The following ANO7 variants were observed in gnomAD, a reference collection of about 807,000 sequenced individuals.
The protein encoded by ANO7 is anoctamin 7.
In ANO7, 114 loss-of-function variants were observed where a neutral mutation model predicts 115.8. That is an observed-to-expected ratio of 0.98 (90% CI 0.85 to 1.15). The LOEUF (loss-of-function observed/expected upper bound fraction) is 1.15, where lower values mean the gene tolerates loss of function less well. Ranked by LOEUF, ANO7 falls within the 50% of genes most tolerant of loss-of-function variation. The pLI is 0.00. For missense variants in ANO7, 1,302 were observed against 1,201.2 expected, an observed-to-expected ratio of 1.08 and a Z score of -1.24; for synonymous variants, 550 against 498.2, an observed-to-expected ratio of 1.10 and a Z score of -1.38.
At chr2:241,219,479 TTTA>T (rs946607966) in intron 21 of ANO7, among the ~76,000 whole-genome samples, 37 of 152,162 alleles carry the variant, frequency 2.4e-4, no homozygotes, top group Non-Finnish European at 1.8e-4. Context: ...GGTTGTTTTT[TTTA>T]TTATTATTCT....
At chr2:241,207,815 ACCTT>A (rs1273380977) in intron 11 of ANO7, 145 bp downstream of exon 11, 1 of 717,592 alleles carries the variant, frequency 1.4e-6, no homozygotes, top group Non-Finnish European at 2.4e-6. Flanking sequence ...GAGCTCCTTA[ACCTT>A]TGTTCTCTTG....
intron 7 of ANO7, 23 bp from the exon 8 acceptor site, chr2:241,202,171 G>A (rs770128297): frequency 6.9e-6 from 11 of 1,602,620 alleles, no homozygotes; most frequent in South Asian, 3.3e-5. Flanking sequence ...AGTGACCTGC[G>A]CCATCCTCCA....
At chr2:241,236,455 C>A in the ANO7 span, 14 of 715,626 alleles carry the variant, frequency 2.0e-5, no homozygotes, top group Non-Finnish European at 2.9e-5. Context: ...CTGTGTCCAG[C>A]CGAGAAGCAC....
At position 241,190,160 on chromosome 2, in the gene ANO7, C is replaced by T; in HGVS notation, c.97C>T (p.His33Tyr). The change falls in exon 2 of 25, where the codon CAC (histidine) becomes TAC (tyrosine). Residue 33 changes from histidine to tyrosine, a missense_variant. Physicochemically the swap from His to Tyr is moderately conservative, Grantham distance 83 (BLOSUM62 2). Coordinates refer to ENST00000674324, the MANE Select transcript of ANO7 (RefSeq NM_001370694.2). ...GAGGGGCTCTTACGGGAGCACAGCC[C>T]ACGCCTCGGAGGTAACAGCACCCAG... The part of the protein sequence containing the change: ...EKRGSYGSTA[H>Y]ASEPGGQQAA... The T allele has an allele frequency of 1.3e-6, 2 of 1,563,222 alleles. No homozygotes were observed. Among genetic ancestry groups the T allele is most frequent in the Non-Finnish European group, 1.7e-6 (2 of 1,153,836 alleles).
At chr2:241,234,496 G>A in the ANO7 span, among the ~76,000 whole-genome samples, 1 of 152,176 alleles carries the variant, frequency 6.6e-6, no homozygotes, top group Non-Finnish European at 1.5e-5. Context: ...CCATTCACCA[G>A]ACTCGACGTG....
chr2:241,207,793 A>T (rs2068627391), intron 11 of ANO7, 123 bp downstream of exon 11: 2 of 860,224 alleles, frequency 2.3e-6, no homozygotes, highest in African/African-American at 3.3e-5. Context: ...AGCTAAAGGC[A>T]GAACGCTCCA....
intron 19 of ANO7, 131 bp downstream of exon 19, chr2:241,216,369 G>T: frequency 8.1e-6 from 10 of 1,240,642 alleles, no homozygotes; most frequent in Non-Finnish European, 9.7e-6. Flanking sequence ...TGGGGGTGGG[G>T]TGGGAACAGA....
In ANO7 at chr2:241,225,500, G is replaced by C. The variant is rs1390505507; in HGVS notation, c.*1347G>C. 2 of 152,278 alleles carry C rather than the reference G, an allele frequency of 1.3e-5. No individual in the cohort carries two copies. The highest frequency in any genetic ancestry group is 2.9e-5 in the Non-Finnish European group (2 of 68,038). 9.4% of individuals were successfully genotyped at this position (152,278 alleles called of 1,614,324 possible). On this transcript the variant is annotated 3_prime_UTR_variant, in exon 25 of 25. Transcript: ENST00000674324. ...AGATCTCAACACTGCACTACAGCCT[G>C]GGCGACAGAGCAAGACTCCGTCTCG...
chr2:241,227,749 G>A (rs1451307005), downstream of ANO7: 1 of 152,548 alleles, frequency 6.6e-6, no homozygotes, highest in Admixed American at 6.5e-5. Context: ...TGGAGATTGG[G>A]GGGAGCTGGA....
At chr2:241,239,683 C>G in the ANO7 span, 78 of 1,614,098 alleles carry the variant, frequency 4.8e-5, no homozygotes, top group Non-Finnish European at 5.8e-5. The surrounding 1 kb of genome is among the most constrained non-coding windows in gnomAD (Gnocchi z 4.6). Context: ...CTTTGTCGCT[C>G]TGTGTGCCAG....
intron 9 of ANO7, among the ~76,000 whole-genome samples, chr2:241,204,205 C>G (rs1323487918): frequency 6.6e-6 from 1 of 152,222 alleles, no homozygotes; most frequent in Non-Finnish European, 1.5e-5. Context: ...ACAGCACGGC[C>G]AGGCTGGGGG....
intron 21 of ANO7, among the ~76,000 whole-genome samples, chr2:241,221,536 A>AT (rs75387643): frequency 0.02 from 2,813 of 141,022 alleles, 39 homozygotes; most frequent in African/African-American, 0.041. Context: ...CACCCAGATG[A>AT]TTTTTTTTTT....
Position 241,199,442 on chromosome 2 carries a change from G to A in ANO7, c.417+19G>A. ...CTTGCAGGTACGTGGGAGGCATGGG[G>A]ACAGGGTGGGCCTGGAGGTCCCGGT... is the stretch of plus-strand genomic sequence containing the variant. On this transcript the variant is annotated intron_variant, in intron 5 of 24. Coordinates refer to ENST00000674324, the MANE Select transcript of ANO7 (RefSeq NM_001370694.2). 1.2e-6 allele frequency: 2 copies of A among 1,612,412 alleles called. No homozygotes were observed. The highest frequency in any genetic ancestry group is 1.7e-6 in the Non-Finnish European group (2 of 1,179,066).
chr2:241,219,868 C>G (rs1468348928), intron 21 of ANO7, among the ~76,000 whole-genome samples: 1 of 152,094 alleles, frequency 6.6e-6, no homozygotes, highest in African/African-American at 2.4e-5. Flanking sequence ...CCACCACACC[C>G]GGCTAGCACA....
chr2:241,196,596 A>C (rs530660059), intron 4 of ANO7, among the ~76,000 whole-genome samples: 105 of 152,364 alleles, frequency 6.9e-4, no homozygotes, highest in African/African-American at 2.5e-3. Flanking sequence ...AATTTTACAT[A>C]ATCAAGCAAT....
In ANO7 at chr2:241,209,405, T is replaced by A. The variant is rs1285102059; in HGVS notation, c.1198T>A (p.Cys400Ser). The A allele has an allele frequency of 2.5e-6, 4 of 1,587,648 alleles. No homozygotes were observed. The Admixed American group carries it at 5.3e-5, about 21-fold the overall frequency. Residue 400 changes from cysteine to serine, a missense_variant, in exon 12 of 25, where the codon TGC (cysteine) becomes AGC (serine). Coordinates refer to ENST00000674324, the MANE Select transcript of ANO7 (RefSeq NM_001370694.2). ...KSATLAYRWD[C>S]SDYEDTEERP... ...CGCCACGCTGGCCTACCGCTGGGAC[T>A]GCTCTGACTACGAGGACACTGAGGT...
chr2:241,191,248 A>T lies in ANO7; in HGVS notation c.163A>T (p.Ile55Phe). 6.2e-7 allele frequency: 1 copy of T among 1,613,676 alleles called. No homozygotes were observed. Among genetic ancestry groups the T allele is most frequent in the Non-Finnish European group, 8.5e-7 (1 of 1,179,890 alleles). ...AGCTGGGAGTCCTGCCAAGCCCCGG[A>T]TCGGTGAGCCCCTCCCAGCACCTGT... ...CRAGSPAKPRIADFVLVWEED... is the reference protein window; with the variant it reads ...CRAGSPAKPRFADFVLVWEED... The change falls in exon 3 of 25, where the codon ATC becomes TTC. Residue 55 changes from isoleucine (I) to phenylalanine (F), a missense_variant. Coordinates refer to ENST00000674324, the MANE Select transcript of ANO7 (RefSeq NM_001370694.2).
chr2:241,236,868 G>T, the ANO7 span: 1 of 1,302,500 alleles, frequency 7.7e-7, no homozygotes, highest in Non-Finnish European at 1.1e-6. Context: ...CTGGGTGCTG[G>T]GTGGTAAAAG....
intron 3 of ANO7, among the ~76,000 whole-genome samples, chr2:241,191,694 T>A (rs2068207157): frequency 6.6e-6 from 1 of 151,884 alleles, no homozygotes. Flanking sequence ...CCAGCCGGGC[T>A]CCCAGCACCC....
Sources: gnomAD v4.1 joint callset for allele counts (sites outside exome capture counted in the v4.1 genomes callset) on GRCh38, gnomAD v4.1.1 for gene constraint, Gnocchi (gnomAD v3.1) non-coding constraint, MANE v1.5 for transcripts, NCBI Gene and HGNC (gene_info 2026-07-23, HGNC 2026-07-21) for gene names.